BABAM2: variants seen among roughly 807,000 people sequenced by gnomAD.
BABAM2 encodes BRISC and BRCA1-A complex member 2.
Under a neutral mutation model 54.7 loss-of-function variants are expected in BABAM2, and 31 were observed. That is an observed-to-expected ratio of 0.57 (90% CI 0.43 to 0.77). The LOEUF (loss-of-function observed/expected upper bound fraction) is 0.77, where lower values mean the gene tolerates loss of function less well. BABAM2 is among the 30% of genes least tolerant of loss of function. BABAM2 has a pLI of 0.00. For missense variants in BABAM2, 364 were observed against 455.8 expected (o/e 0.80, Z 1.83); for synonymous variants, 167 against 162.9 (o/e 1.03, Z -0.19).
chr2:28,308,405 A>C (rs755822596), intron 11 of BABAM2: 1 of 517,510 alleles, frequency 1.9e-6, no homozygotes, highest in Non-Finnish European at 3.8e-6. Flanking sequence ...TCCCCCAACC[A>C]CTGAGTCAGC....
At chr2:28,180,591 T>G (rs1675514537) in intron 7 of BABAM2, among the ~76,000 whole-genome samples, 1 of 151,962 alleles carries the variant, frequency 6.6e-6, no homozygotes, top group Non-Finnish European at 1.5e-5. Flanking sequence ...AAAGCACAGG[T>G]AGCAAAAACA....
chr2:28,016,107 T>C, intron 4 of BABAM2: 1 of 1,028,012 alleles, frequency 9.7e-7, no homozygotes. Context: ...GTTTTCCGTG[T>C]TTCTTACCCT....
At chr2:28,079,572 T>C (rs2148670890) in intron 6 of BABAM2, among the ~76,000 whole-genome samples, 1 of 152,298 alleles carries the variant, frequency 6.6e-6, no homozygotes, top group East Asian at 1.9e-4. Context: ...TATTTCACTG[T>C]TCAAATACAA....
At chr2:28,206,969 ACAGTATT>A (rs1678913998) in intron 7 of BABAM2, among the ~76,000 whole-genome samples, 1 of 152,210 alleles carries the variant, frequency 6.6e-6, no homozygotes, top group Non-Finnish European at 1.5e-5. Context: ...TGTGCCAAGC[ACAGTATT>A]CAGTTATTTA....
chr2:28,315,215 C>T (rs564033037), intron 11 of BABAM2, among the ~76,000 whole-genome samples: 31 of 152,082 alleles, frequency 2.0e-4, no homozygotes, highest in African/African-American at 7.5e-4. Flanking sequence ...CTTGTTCAAC[C>T]ACTGTCTAGT....
chr2:27,914,310 C>A (rs1217546006), intron 2 of BABAM2, among the ~76,000 whole-genome samples: 4 of 152,170 alleles, frequency 2.6e-5, no homozygotes, highest in African/African-American at 7.2e-5. Flanking sequence ...CTTGCCACTT[C>A]TAGCTCTTGT....
At chr2:28,200,842 C>T (rs1439144176) in intron 7 of BABAM2, among the ~76,000 whole-genome samples, 2 of 152,144 alleles carry the variant, frequency 1.3e-5, no homozygotes, top group African/African-American at 2.4e-5. Context: ...AATCTTGGCC[C>T]ACTGCAACCT....
chr2:27,997,910 G>T (rs1209119420), intron 4 of BABAM2, among the ~76,000 whole-genome samples: 8 of 152,054 alleles, frequency 5.3e-5, no homozygotes, highest in Admixed American at 6.6e-5. Flanking sequence ...ATCTGAGCAT[G>T]CTGGGAGGCT....
intron 7 of BABAM2, among the ~76,000 whole-genome samples, chr2:28,206,690 C>A (rs143404401): frequency 3.9e-4 from 60 of 152,268 alleles, no homozygotes; most frequent in African/African-American, 1.4e-3. Context: ...GGGGTGACAT[C>A]TTTTATAAAT....
intron 3 of BABAM2, among the ~76,000 whole-genome samples, chr2:27,978,506 C>T (rs1444013538): frequency 6.6e-6 from 1 of 152,204 alleles, no homozygotes; most frequent in Non-Finnish European, 1.5e-5. Context: ...TTCAAACTGG[C>T]GTTTCCACAA....
chr2:28,204,220 T>C (rs1400827898), intron 7 of BABAM2, among the ~76,000 whole-genome samples: 2 of 152,256 alleles, frequency 1.3e-5, no homozygotes, highest in African/African-American at 4.8e-5. Context: ...TTGTCTGTAA[T>C]GTCCGTCTTT....
At chr2:28,101,420 G>T (rs1358239452) in intron 6 of BABAM2, among the ~76,000 whole-genome samples, 1 of 152,184 alleles carries the variant, frequency 6.6e-6, no homozygotes, top group Admixed American at 6.5e-5. Flanking sequence ...GTTGGCATGT[G>T]AAGTGAGACA....
At chr2:28,062,763 A>G (rs1438218455) in intron 6 of BABAM2, among the ~76,000 whole-genome samples, 12 of 152,158 alleles carry the variant, frequency 7.9e-5, no homozygotes, top group South Asian at 2.1e-4. Context: ...AGGGCTTAGT[A>G]TCATTGGTTC....
At chr2:27,942,966 T>G (rs966835859) in intron 3 of BABAM2, among the ~76,000 whole-genome samples, 2 of 151,984 alleles carry the variant, frequency 1.3e-5, no homozygotes, top group African/African-American at 4.8e-5. Context: ...ACCATTTTTT[T>G]GTAGAGACGG....
At chr2:28,175,142 A>G (rs1573753890) in intron 7 of BABAM2, among the ~76,000 whole-genome samples, 2 of 152,188 alleles carry the variant, frequency 1.3e-5, no homozygotes, top group South Asian at 4.1e-4. Context: ...TGCTGTGGCT[A>G]CTGCCACAGC....
At chr2:28,231,785 CTTTTTTTTTT>C (rs549515372) in intron 7 of BABAM2, among the ~76,000 whole-genome samples, 1,611 of 57,184 alleles carry the variant, frequency 0.028, 11 homozygotes, top group African/African-American at 0.031. Flanking sequence ...AGAGAGATGT[CTTTTTTTTTT>C]TTTTTTTTTT....
At chr2:28,022,419 T>G (rs777040244) in intron 4 of BABAM2, among the ~76,000 whole-genome samples, 1 of 152,232 alleles carries the variant, frequency 6.6e-6, no homozygotes, top group African/African-American at 2.4e-5. Flanking sequence ...TTAACTAGTC[T>G]TTAAAAAGAA....
chr2:28,109,703 G>A (rs573759167), intron 6 of BABAM2, among the ~76,000 whole-genome samples: 81 of 152,198 alleles, frequency 5.3e-4, no homozygotes, highest in African/African-American at 1.9e-3. Flanking sequence ...TCCACCTGAC[G>A]CCTTTCTCTG....
In BABAM2 at chr2:28,111,331, G is replaced by A. The variant is rs549647995; in HGVS notation, c.571-17940G>A. On this transcript the variant is annotated intron_variant, in intron 6 of 11. Coordinates refer to ENST00000379624, the MANE Select transcript of BABAM2 (RefSeq NM_199191.3). ...AAATGTCTATTCAAGTTCTTTGCCC[G>A]TTTTTGAATTGAGGTTGTTTGGTTT... 4.6e-5 allele frequency among the ~76,000 whole-genome samples: 7 copies of A among 151,950 alleles called. No homozygotes were observed. The East Asian group carries it at 9.7e-4, about 21-fold the overall frequency.
Sources: allele counts gnomAD v4.1 joint callset (sites outside exome capture counted in the v4.1 genomes callset), GRCh38; gene constraint gnomAD v4.1.1; transcripts MANE v1.5; gene names NCBI Gene and HGNC (gene_info 2026-07-23, HGNC 2026-07-21).